Variants in STXBP5L observed in about 807,000 individuals in gnomAD.
STXBP5L encodes syntaxin-binding protein 5-like.
In STXBP5L, 65 loss-of-function variants were observed where a neutral mutation model predicts 144.5. That is an observed-to-expected ratio of 0.45 (90% CI 0.37 to 0.55). STXBP5L has a LOEUF of 0.55. STXBP5L is among the 20% of genes least tolerant of loss of function. The probability of loss-of-function intolerance (pLI) is 0.00; values close to 1 mark genes in which losing one functional copy is unlikely to be tolerated. For missense variants in STXBP5L, 1,298 were observed against 1,405.5 expected (o/e 0.92, Z 1.22); for synonymous variants, 505 against 469.6 (o/e 1.08, Z -0.97).
At chr3:121,400,413 G>A (rs190750163) in intron 22 of STXBP5L, among the ~76,000 whole-genome samples, 95 of 152,278 alleles carry the variant, frequency 6.2e-4, no homozygotes, top group African/African-American at 1.4e-3. Flanking sequence ...GCATGTGATC[G>A]GCCAACCAGA....
intron 20 of STXBP5L, among the ~76,000 whole-genome samples, chr3:121,338,358 G>A (rs1232426163): frequency 1.3e-5 from 2 of 152,052 alleles, no homozygotes; most frequent in East Asian, 3.9e-4. Flanking sequence ...AAATGAAAAT[G>A]GATGGCCAGG....
chr3:121,121,373 G>T (rs181356544), intron 6 of STXBP5L, among the ~76,000 whole-genome samples: 3 of 151,114 alleles, frequency 2.0e-5, no homozygotes, highest in Admixed American at 1.3e-4. Flanking sequence ...GACAACAAAC[G>T]TTTCAAATAA....
At chr3:121,047,427 G>A (rs77996883) in intron 5 of STXBP5L, among the ~76,000 whole-genome samples, 1 of 152,078 alleles carries the variant, frequency 6.6e-6, no homozygotes, top group East Asian at 1.9e-4. Context: ...TGACTGGATG[G>A]TCTATCTAAA....
intron 20 of STXBP5L, among the ~76,000 whole-genome samples, chr3:121,368,306 C>A (rs2045927253): frequency 6.6e-6 from 1 of 152,024 alleles, no homozygotes; most frequent in Non-Finnish European, 1.5e-5. Context: ...CTTTTAAGCT[C>A]CAGAGTTTCT....
intron 3 of STXBP5L, among the ~76,000 whole-genome samples, chr3:121,003,730 T>C (rs1156436340): frequency 5.9e-5 from 9 of 152,296 alleles, no homozygotes; most frequent in African/African-American, 1.9e-4. Flanking sequence ...AATTTTTGTA[T>C]AAGGTGTAAG....
chr3:121,043,480 G>A (rs959229335), intron 4 of STXBP5L, among the ~76,000 whole-genome samples: 2 of 152,098 alleles, frequency 1.3e-5, no homozygotes, highest in Admixed American at 6.6e-5. Context: ...GGAAGTTAAG[G>A]TGGGTGGATC....
At chr3:121,038,708 A>G (rs925232997) in intron 3 of STXBP5L, among the ~76,000 whole-genome samples, 2 of 151,898 alleles carry the variant, frequency 1.3e-5, no homozygotes, top group Admixed American at 6.6e-5. Context: ...TCGAACTATA[A>G]TTGTGAATTC....
At chr3:121,145,514 T>G (rs990626401) in intron 7 of STXBP5L, among the ~76,000 whole-genome samples, 1 of 151,916 alleles carries the variant, frequency 6.6e-6, no homozygotes, top group African/African-American at 2.4e-5. Context: ...CAAACAAAAT[T>G]TGCAACAATT....
intron 19 of STXBP5L, among the ~76,000 whole-genome samples, chr3:121,296,768 T>C (rs558506451): frequency 6.6e-6 from 1 of 152,232 alleles, no homozygotes; most frequent in Admixed American, 6.5e-5. Flanking sequence ...ACCTATAGAT[T>C]GGAATTTGAA....
At chr3:121,309,664 C>T (rs2043459534) in intron 19 of STXBP5L, among the ~76,000 whole-genome samples, 1 of 151,948 alleles carries the variant, frequency 6.6e-6, no homozygotes, top group Admixed American at 6.6e-5. Context: ...CAAAATATTG[C>T]AGAAAGAAAC....
intron 2 of STXBP5L, among the ~76,000 whole-genome samples, chr3:120,951,976 T>TA (rs531938294): frequency 4.9e-4 from 74 of 151,718 alleles, no homozygotes; most frequent in African/African-American, 1.7e-3. Context: ...TATGCAGCCA[T>TA]AAAAAATGAT....
At chr3:121,345,185 G>A (rs561964077) in intron 20 of STXBP5L, among the ~76,000 whole-genome samples, 29 of 151,954 alleles carry the variant, frequency 1.9e-4, no homozygotes, top group East Asian at 3.9e-4. Context: ...ACAGGACCCC[G>A]TGTGTGATGT....
At position 121,185,971 on chromosome 3, in the gene STXBP5L, A is replaced by T. The variant is rs146122626; in HGVS notation, c.878-19952A>T. Among the ~76,000 whole-genome samples the T allele has an allele frequency of 2.9e-4, 44 of 152,088 alleles. 1 individual carries two copies. The East Asian group carries it at 8.3e-3, about 29-fold the overall frequency. ...ATTTGTTTGTATCCTCTTTTATTTC[A>T]CTGAGCAGTGGTTTGTAGTTCTCCT... On this transcript the variant is annotated intron_variant, in intron 9 of 26. Coordinates refer to ENST00000471454, the MANE Select transcript of STXBP5L (RefSeq NM_001308330.2).
At chr3:120,995,634 A>T (rs1943283581) in intron 3 of STXBP5L, among the ~76,000 whole-genome samples, 1 of 150,498 alleles carries the variant, frequency 6.6e-6, no homozygotes, top group South Asian at 2.1e-4. Context: ...AGTTATCAAC[A>T]TTTTTTTTTA....
At chr3:121,341,557 A>G (rs1234141932) in intron 20 of STXBP5L, among the ~76,000 whole-genome samples, 1 of 150,904 alleles carries the variant, frequency 6.6e-6, no homozygotes. Flanking sequence ...TGGAAGAGAT[A>G]TCTGCACTCC....
intron 2 of STXBP5L, among the ~76,000 whole-genome samples, chr3:120,947,933 A>C (rs1710963447): frequency 6.6e-6 from 1 of 151,646 alleles, no homozygotes; most frequent in African/African-American, 2.4e-5. Flanking sequence ...CTTTGTTTAT[A>C]TTTATGTTTT....
At chr3:121,006,388 T>G (rs1175862768) in intron 3 of STXBP5L, among the ~76,000 whole-genome samples, 1 of 152,146 alleles carries the variant, frequency 6.6e-6, no homozygotes, top group Non-Finnish European at 1.5e-5. Flanking sequence ...TGCCTTTTTT[T>G]GTTTTCCATT....
intron 5 of STXBP5L, among the ~76,000 whole-genome samples, chr3:121,107,541 T>C (rs2043772986): frequency 6.6e-6 from 1 of 152,188 alleles, no homozygotes; most frequent in Non-Finnish European, 1.5e-5. Flanking sequence ...TGTGGTCTTA[T>C]TTCTGAGATC....
At position 121,366,087 on chromosome 3, in the gene STXBP5L, T is replaced by C. The variant is rs1243880499; in HGVS notation, c.2177-12629T>C. Among the ~76,000 whole-genome samples the C allele has an allele frequency of 2.0e-5, 3 of 152,030 alleles. No individual in the cohort carries two copies. The East Asian group carries it at 5.8e-4, about 29-fold the overall frequency. ...TAATTTCTCAATTGTACTTCTGTTA[T>C]TGATTTCTAACTTCATTCCACTGTG... On this transcript the variant is annotated intron_variant, in intron 20 of 26. Coordinates refer to ENST00000471454, the MANE Select transcript of STXBP5L (RefSeq NM_001308330.2).
Sources: gnomAD v4.1 joint callset for allele counts (sites outside exome capture counted in the v4.1 genomes callset) on GRCh38, gnomAD v4.1.1 for gene constraint, MANE v1.5 for transcripts, NCBI Gene and HGNC (gene_info 2026-07-23, HGNC 2026-07-21) for gene names.